The following WDR7 variants were observed in gnomAD, a reference collection of about 807,000 sequenced individuals.
The protein encoded by WDR7 is WD repeat domain 7.
WDR7 carries 46 observed loss-of-function variants against 169.4 expected under a neutral mutation model. The ratio of observed to expected loss-of-function variants is 0.27; its 90% CI spans 0.21 to 0.35. The LOEUF is 0.35. WDR7 is among the 10% of genes least tolerant of loss of function. The pLI is 1.00. For synonymous variants in WDR7, 612 were observed against 666.8 expected, an observed-to-expected ratio of 0.92 and a Z score of 1.27; for missense variants, 1,534 against 1,859.3, an observed-to-expected ratio of 0.83 and a Z score of 3.22.
In WDR7 at chr18:56,850,246, A is replaced by G. The variant is rs557643208; in HGVS notation, c.3305-29698A>G. ...TTCCTTATAAAATGTGTAACAGTCT[A>G]AAATTATTTTTTTTATTTATTTGTT... On this transcript the variant is annotated intron_variant, in intron 20 of 27. Coordinates refer to ENST00000254442, the MANE Select transcript of WDR7 (RefSeq NM_015285.3). Among the ~76,000 whole-genome samples, 4 of 152,282 alleles carry G rather than the reference A, an allele frequency of 2.6e-5. No individual in the cohort carries two copies. The South Asian group carries it at 8.3e-4, about 32-fold the overall frequency.
At chr18:56,653,993 G>T (rs1248564309) in intron 1 of WDR7, among the ~76,000 whole-genome samples, 1 of 152,022 alleles carries the variant, frequency 6.6e-6, no homozygotes, top group African/African-American at 2.4e-5. Flanking sequence ...AGCTCGTGAG[G>T]GTTCCTTTAT....
At chr18:56,895,444 G>A (rs1568253543) in intron 21 of WDR7, among the ~76,000 whole-genome samples, 1 of 150,644 alleles carries the variant, frequency 6.6e-6, no homozygotes, top group Non-Finnish European at 1.5e-5. Context: ...AAAAGCATTA[G>A]GGGATAGGAA....
chr18:56,781,424 T>C (rs1247187513), intron 18 of WDR7, 109 bp from the exon 19 acceptor site: 2 of 1,186,712 alleles, frequency 1.7e-6, no homozygotes, highest in Non-Finnish European at 1.1e-6. Context: ...TAAATAAATA[T>C]GGTTTTTATG....
At chr18:56,944,333 G>A (rs1228670347) in intron 25 of WDR7, among the ~76,000 whole-genome samples, 2 of 151,890 alleles carry the variant, frequency 1.3e-5, no homozygotes, top group African/African-American at 4.8e-5. Flanking sequence ...TCATTTTTAG[G>A]TTCAGGATTT....
intron 20 of WDR7, among the ~76,000 whole-genome samples, chr18:56,856,330 T>G (rs554430612): frequency 3.9e-5 from 6 of 152,258 alleles, no homozygotes; most frequent in Non-Finnish European, 7.4e-5. Context: ...GGTCAGGAGT[T>G]CGAGACCAGT....
intron 13 of WDR7, among the ~76,000 whole-genome samples, chr18:56,725,819 A>G (rs529402706): frequency 2.0e-5 from 3 of 152,196 alleles, no homozygotes; most frequent in Admixed American, 6.5e-5. Context: ...TCCATCTTGA[A>G]TTAATTTTTG....
At chr18:56,808,137 A>G (rs1217029320) in intron 19 of WDR7, among the ~76,000 whole-genome samples, 1 of 152,164 alleles carries the variant, frequency 6.6e-6, no homozygotes, top group Non-Finnish European at 1.5e-5. Context: ...AATGTGAGGC[A>G]GGCTGTCTGT....
chr18:56,701,410 T>A (rs2025831973), intron 12 of WDR7, among the ~76,000 whole-genome samples: 2 of 152,206 alleles, frequency 1.3e-5, no homozygotes, highest in Non-Finnish European at 2.9e-5. Context: ...ATATATCATT[T>A]GCTTGAAATA....
At chr18:56,920,806 A>G (rs1405963204) in intron 21 of WDR7, among the ~76,000 whole-genome samples, 2 of 152,250 alleles carry the variant, frequency 1.3e-5, no homozygotes, top group Non-Finnish European at 2.9e-5. Context: ...GGCAAAATTC[A>G]TAAAATTCTG....
chr18:57,000,380 G>A (rs1014123852), intron 26 of WDR7, among the ~76,000 whole-genome samples: 3 of 152,062 alleles, frequency 2.0e-5, no homozygotes, highest in Non-Finnish European at 2.9e-5. Context: ...TGTCAATTAA[G>A]CACGATATAA....
chr18:56,894,058 T>A (rs2046299116), intron 21 of WDR7, among the ~76,000 whole-genome samples: 3 of 152,088 alleles, frequency 2.0e-5, no homozygotes, highest in Admixed American at 1.3e-4. Context: ...TTCCTCTTTT[T>A]CTCTGACATA....
At chr18:56,950,582 T>C (rs575444453) in intron 25 of WDR7, among the ~76,000 whole-genome samples, 1 of 152,336 alleles carries the variant, frequency 6.6e-6, no homozygotes, top group African/African-American at 2.4e-5. Flanking sequence ...ACATATTTTT[T>C]CTTTCTTAAA....
At chr18:56,660,731 A>C (rs1259217965) in intron 1 of WDR7, among the ~76,000 whole-genome samples, 1 of 152,264 alleles carries the variant, frequency 6.6e-6, no homozygotes, top group Middle Eastern at 3.4e-3. Context: ...GTCAGGAAAA[A>C]GTGAAGACTT....
intron 12 of WDR7, among the ~76,000 whole-genome samples, chr18:56,709,152 T>G (rs1308474016): frequency 6.6e-6 from 1 of 152,190 alleles, no homozygotes; most frequent in Non-Finnish European, 1.5e-5. Context: ...GGAGTTGTAT[T>G]TTATTTATTT....
At chr18:56,870,136 G>C (rs1294862063) in intron 20 of WDR7, among the ~76,000 whole-genome samples, 1 of 152,062 alleles carries the variant, frequency 6.6e-6, no homozygotes, top group Non-Finnish European at 1.5e-5. Flanking sequence ...GACTTATGTA[G>C]CATTTTAAGT....
chr18:56,863,208 CTCTTT>C (rs2045833641), intron 20 of WDR7, among the ~76,000 whole-genome samples: 2 of 151,742 alleles, frequency 1.3e-5, no homozygotes, highest in Middle Eastern at 3.4e-3. Flanking sequence ...CAAATAAAAT[CTCTTT>C]TCTTATTTTT....
At chr18:56,724,502 G>A (rs1355575246) in intron 13 of WDR7, among the ~76,000 whole-genome samples, 5 of 151,442 alleles carry the variant, frequency 3.3e-5, no homozygotes, top group Non-Finnish European at 7.4e-5. Context: ...ATGAGCCACC[G>A]CTCCTGGCCA....
chr18:56,945,392 T>C (rs1473453191), intron 25 of WDR7, among the ~76,000 whole-genome samples: 1 of 152,188 alleles, frequency 6.6e-6, no homozygotes, highest in Non-Finnish European at 1.5e-5. Context: ...CCTAGAATAG[T>C]CTGTAGCTGT....
intron 25 of WDR7, among the ~76,000 whole-genome samples, chr18:56,943,183 G>A (rs1009514233): frequency 6.6e-6 from 1 of 152,202 alleles, no homozygotes; most frequent in Non-Finnish European, 1.5e-5. Context: ...TATCTGCCAT[G>A]TCTGTACCGT....
Sources: gnomAD v4.1 joint callset for allele counts (sites outside exome capture counted in the v4.1 genomes callset) on GRCh38, gnomAD v4.1.1 for gene constraint, MANE v1.5 for transcripts, NCBI Gene and HGNC (gene_info 2026-07-23, HGNC 2026-07-21) for gene names.